CSMD1: variants seen among roughly 807,000 people sequenced by gnomAD.
CSMD1 encodes CUB and sushi domain-containing protein 1.
Under a neutral mutation model 417.5 loss-of-function variants are expected in CSMD1, and 213 were observed. That is an observed-to-expected ratio of 0.51 (90% CI 0.46 to 0.57). The LOEUF (loss-of-function observed/expected upper bound fraction) is 0.57, where lower values mean the gene tolerates loss of function less well. Ranked by LOEUF, CSMD1 falls within the 20% of genes least tolerant of loss-of-function variation. The pLI is 0.00. For missense variants in CSMD1, 6,923 were observed against 4,529.7 expected, an observed-to-expected ratio of 1.53 and a Z score of -15.17; for synonymous variants, 2,862 against 1,736.8, an observed-to-expected ratio of 1.65 and a Z score of -16.11.
At chr8:4,429,792 C>T (rs539577867) in intron 2 of CSMD1, among the ~76,000 whole-genome samples, 5 of 152,204 alleles carry the variant, frequency 3.3e-5, no homozygotes, top group Admixed American at 2.0e-4. Context: ...TGAAATATAC[C>T]GGCAATCCCC....
At chr8:4,614,719 C>T (rs1418964275) in intron 2 of CSMD1, among the ~76,000 whole-genome samples, 1 of 152,094 alleles carries the variant, frequency 6.6e-6, no homozygotes, top group African/African-American at 2.4e-5. Context: ...CGAACACTTC[C>T]TTAAAATATT....
intron 1 of CSMD1, among the ~76,000 whole-genome samples, chr8:4,639,514 CTA>C (rs1258720759): frequency 1.6e-4 from 24 of 152,146 alleles, no homozygotes; most frequent in Non-Finnish European, 2.9e-4. Context: ...CAAAAACTGT[CTA>C]TGTTTCTTAC....
intron 5 of CSMD1, among the ~76,000 whole-genome samples, chr8:3,817,885 T>G (rs2129080764): frequency 6.6e-6 from 1 of 152,250 alleles, no homozygotes; most frequent in South Asian, 2.1e-4. Context: ...CTAAGGACAT[T>G]CTTGCTAAGA....
chr8:3,275,553 C>G (rs926786896), intron 26 of CSMD1, among the ~76,000 whole-genome samples: 7 of 152,312 alleles, frequency 4.6e-5, no homozygotes, highest in African/African-American at 1.4e-4. Context: ...GTCCCTGTCT[C>G]TTTCAGGTAC....
At chr8:3,156,081 G>A (rs936226840) in intron 39 of CSMD1, among the ~76,000 whole-genome samples, 1 of 152,210 alleles carries the variant, frequency 6.6e-6, no homozygotes, top group Admixed American at 6.5e-5. Flanking sequence ...ACACTACGCC[G>A]AAATGAATTC....
intron 5 of CSMD1, among the ~76,000 whole-genome samples, chr8:3,845,040 T>C (rs1803406603): frequency 6.6e-6 from 1 of 152,296 alleles, no homozygotes; most frequent in Non-Finnish European, 1.5e-5. Context: ...TATAACACAA[T>C]AAAGGTCTCC....
intron 3 of CSMD1, among the ~76,000 whole-genome samples, chr8:4,318,731 A>G (rs1585222333): frequency 1.3e-5 from 2 of 148,622 alleles, no homozygotes; most frequent in Non-Finnish European, 3.0e-5. Flanking sequence ...AAAAAAAGCC[A>G]CTCTCTGTAC....
At chr8:3,221,863 C>G (rs1466044939) in intron 28 of CSMD1, among the ~76,000 whole-genome samples, 2 of 152,058 alleles carry the variant, frequency 1.3e-5, no homozygotes, top group East Asian at 3.9e-4. Context: ...TCATATGATT[C>G]TTTGCCTTTA....
rs1030964313 is a variant in CSMD1, at chr8:3,185,114, G to C, written c.5620+2755C>G. ...GACCCCCTAAATTTATAGCCAGTTG[G>C]TCAGAGTGCAGGTGGCCTGGGAGGC... On this transcript the variant is annotated intron_variant, in intron 36 of 69. Coordinates refer to ENST00000635120, the MANE Select transcript of CSMD1 (RefSeq NM_033225.6). Among the ~76,000 whole-genome samples the C allele has an allele frequency of 2.6e-5, 4 of 152,362 alleles. 1 individual carries two copies. The highest frequency in any genetic ancestry group is 6.8e-3 in the Middle Eastern group (2 of 294).
chr8:4,663,732 T>C (rs1311383402), intron 1 of CSMD1, among the ~76,000 whole-genome samples: 2 of 152,196 alleles, frequency 1.3e-5, no homozygotes, highest in Non-Finnish European at 2.9e-5. Flanking sequence ...TTTAAATAAA[T>C]TGCCCAGTCA....
chr8:2,989,997 G>C (rs1806237244), intron 54 of CSMD1, among the ~76,000 whole-genome samples: 1 of 152,180 alleles, frequency 6.6e-6, no homozygotes, highest in African/African-American at 2.4e-5. Flanking sequence ...TGGCCTAGAA[G>C]GCTCTAGGGG....
intron 3 of CSMD1, among the ~76,000 whole-genome samples, chr8:4,403,483 G>T (rs1585022022): frequency 6.6e-6 from 1 of 152,200 alleles, no homozygotes; most frequent in African/African-American, 2.4e-5. Flanking sequence ...TACTTATGGT[G>T]AAATCCAGTG....
At chr8:3,199,646 G>C (rs1048450628) in intron 33 of CSMD1, 68 bp downstream of exon 33, 13 of 989,704 alleles carry the variant, frequency 1.3e-5, no homozygotes, top group Non-Finnish European at 1.6e-5. Flanking sequence ...CTTTGTCTGA[G>C]ACTAGCCGTG....
chr8:3,925,252 A>G (rs535613178), intron 5 of CSMD1, among the ~76,000 whole-genome samples: 2 of 152,352 alleles, frequency 1.3e-5, no homozygotes, highest in South Asian at 4.1e-4. Flanking sequence ...TAAGTAATGC[A>G]TTTGGGGAAT....
intron 5 of CSMD1, among the ~76,000 whole-genome samples, chr8:3,969,457 T>C (rs1416765022): frequency 6.6e-6 from 1 of 152,158 alleles, no homozygotes; most frequent in Non-Finnish European, 1.5e-5. Flanking sequence ...ACTAGTGTTG[T>C]TTAAGATCCT....
In CSMD1 at chr8:3,967,069, G is replaced by C. The variant is rs79739079; in HGVS notation, c.818+30834C>G. 7.1e-3 allele frequency among the ~76,000 whole-genome samples: 1,079 copies of C among 152,238 alleles called. 14 individuals carry two copies. Among genetic ancestry groups the C allele is most frequent in the African/African-American group, 0.024 (1,002 of 41,526 alleles). ...TAATCCAGATATTGAAATCAGACAT[G>C]AGCAAGCTATTCTAACAAGGAAAGA... On this transcript the variant is annotated intron_variant, in intron 5 of 69. Coordinates refer to ENST00000635120, the MANE Select transcript of CSMD1 (RefSeq NM_033225.6).
At chr8:3,111,560 G>A (rs979060211) in intron 42 of CSMD1, among the ~76,000 whole-genome samples, 1 of 152,192 alleles carries the variant, frequency 6.6e-6, no homozygotes, top group South Asian at 2.1e-4. Flanking sequence ...GGCTGGGCAC[G>A]GTGGCTCACT....
At chr8:4,326,685 C>T (rs888232155) in intron 3 of CSMD1, among the ~76,000 whole-genome samples, 1 of 152,102 alleles carries the variant, frequency 6.6e-6, no homozygotes, top group Non-Finnish European at 1.5e-5. Context: ...AAGGTCTGGA[C>T]TCAAGAACAT....
chr8:4,315,849 A>G (rs1049185991), intron 3 of CSMD1, among the ~76,000 whole-genome samples: 6 of 152,188 alleles, frequency 3.9e-5, no homozygotes, highest in Non-Finnish European at 5.9e-5. Context: ...TTTGTTTCAT[A>G]TTATATTCTC....
Sources: gnomAD v4.1 joint callset for allele counts (sites outside exome capture counted in the v4.1 genomes callset) on GRCh38, gnomAD v4.1.1 for gene constraint, MANE v1.5 for transcripts, NCBI Gene and HGNC (gene_info 2026-07-23, HGNC 2026-07-21) for gene names.